Variants in PCDH15 observed in about 807,000 individuals in gnomAD.
PCDH15 encodes the protein protocadherin-15.
A neutral mutation model predicts 178.5 loss-of-function variants in PCDH15; 129 were observed. The observed-to-expected ratio is 0.72, with a 90% confidence interval of 0.63 to 0.84. The LOEUF (loss-of-function observed/expected upper bound fraction) is 0.84. PCDH15 is among the 40% of genes least tolerant of loss of function. PCDH15 has a pLI of 0.00. For synonymous variants in PCDH15, 800 were observed against 732.0 expected, an observed-to-expected ratio of 1.09 and a Z score of -1.50; for missense variants, 2,230 against 2,099.9, an observed-to-expected ratio of 1.06 and a Z score of -1.21.
At position 55,040,804 on chromosome 10, in the gene PCDH15, T is replaced by C. The variant is rs148152175; in HGVS notation, c.-80+125772A>G. Reference sequence around the variant, plus strand: ...CATGTTCTATAACACTAAAGTAAATTAATTTCTCTATCTAGTTCTATTTTA... The same window carrying C: ...CATGTTCTATAACACTAAAGTAAATCAATTTCTCTATCTAGTTCTATTTTA... On this transcript the variant is annotated intron_variant, in intron 2 of 5. Transcript: ENST00000458638. 5.4e-3 allele frequency among the ~76,000 whole-genome samples: 829 copies of C among 152,192 alleles called. 11 individuals carry two copies. The highest frequency in any genetic ancestry group is 0.019 in the African/African-American group (807 of 41,540).
Position 54,081,070 on chromosome 10 carries a change from A to C in PCDH15, c.1998-1646T>G, listed in dbSNP as rs550905967. 1.1e-4 allele frequency among the ~76,000 whole-genome samples: 17 copies of C among 152,242 alleles called. No homozygotes were observed. In the East Asian group the frequency reaches 3.1e-3, roughly 28 times the overall value. On this transcript the variant is annotated intron_variant, in intron 16 of 37. Coordinates refer to ENST00000644397, the MANE Select transcript of PCDH15 (RefSeq NM_001384140.1). ...AAATTAGAAAATTACTAAAAAGTAT[A>C]TTGTATATTTACGATGAATTACAAA...
rs186662379 is a variant in PCDH15 at position 54,600,231 on chromosome 10, G to A, written c.91+63941C>T. 217 of 583,582 alleles carry A rather than the reference G, an allele frequency of 3.7e-4. No individual in the cohort carries two copies. The African/African-American group carries it at 3.9e-3, about 10-fold the overall frequency. The allele number at this position is 583,582 out of a possible 1,614,324, so 36.2% of individuals were successfully genotyped here. On this transcript the variant is annotated intron_variant, in intron 2 of 37. Coordinates refer to ENST00000644397, the MANE Select transcript of PCDH15 (RefSeq NM_001384140.1). Reference sequence around the variant, plus strand: ...ACTTGGAGAAAGAGACCAAAGAAGAGGGAAGCCACAGCAACAGGAGAAAGA... The same window carrying A: ...ACTTGGAGAAAGAGACCAAAGAAGAAGGAAGCCACAGCAACAGGAGAAAGA...
intron 2 of PCDH15, among the ~76,000 whole-genome samples, chr10:55,089,324 A>G (rs1330284174): frequency 6.6e-6 from 1 of 152,152 alleles, no homozygotes; most frequent in East Asian, 1.9e-4. Flanking sequence ...CCTTGTTATC[A>G]TCTTGCAATA....
At chr10:55,395,206 A>T (rs200070498) in intron 2 of PCDH15, among the ~76,000 whole-genome samples, 16,244 of 98,018 alleles carry the variant, frequency 0.17, 779 homozygotes, top group South Asian at 0.18. Flanking sequence ...TGAGAGAGAG[A>T]GAGAGAGAGA....
At chr10:54,776,616 AAGAT>A (rs1481950213) in intron 1 of PCDH15, among the ~76,000 whole-genome samples, 3 of 152,192 alleles carry the variant, frequency 2.0e-5, no homozygotes, top group Non-Finnish European at 2.9e-5. Context: ...TTCATGATAT[AAGAT>A]ACCATGGAAA....
At chr10:55,368,866 TAAG>T (rs1282154765) in intron 2 of PCDH15, among the ~76,000 whole-genome samples, 1 of 151,972 alleles carries the variant, frequency 6.6e-6, no homozygotes, top group Non-Finnish European at 1.5e-5. Context: ...ACAGGTTGCG[TAAG>T]AAGAATATGT....
At position 54,895,583 on chromosome 10, in the gene PCDH15, C is replaced by A. The variant is rs182743270; in HGVS notation, c.-29+1867G>T. 7.9e-5 allele frequency among the ~76,000 whole-genome samples: 12 copies of A among 152,258 alleles called. No individual in the cohort carries two copies. In the East Asian group the frequency reaches 2.1e-3, roughly 27 times the overall value. ...TCATTTGTCAGAGGCCAGAAAGATT[C>A]TTTTAGTAATTTAACTATATGATGC... On this transcript the variant is annotated intron_variant, in intron 3 of 5. Transcript: ENST00000458638.
chr10:55,502,113 G>A (rs1294150841), intron 2 of PCDH15, among the ~76,000 whole-genome samples: 1 of 151,576 alleles, frequency 6.6e-6, no homozygotes, highest in Non-Finnish European at 1.5e-5. Flanking sequence ...ATTTTAAGCA[G>A]TGACTACCTT....
At chr10:54,965,720 A>G (rs1042564481) in intron 2 of PCDH15, among the ~76,000 whole-genome samples, 1 of 150,598 alleles carries the variant, frequency 6.6e-6, no homozygotes, top group African/African-American at 2.4e-5. Flanking sequence ...ATTTAATTTG[A>G]AACATTTCCT....
intron 2 of PCDH15, among the ~76,000 whole-genome samples, chr10:55,494,692 T>C (rs1840493286): frequency 6.6e-6 from 1 of 151,772 alleles, no homozygotes; most frequent in Non-Finnish European, 1.5e-5. Context: ...CCACTGAAAT[T>C]AAAATCTTTA....
At chr10:54,136,147 AT>A (rs774044220) in intron 14 of PCDH15, among the ~76,000 whole-genome samples, 1 of 152,130 alleles carries the variant, frequency 6.6e-6, no homozygotes, top group Non-Finnish European at 1.5e-5. Context: ...AGCATGGGGT[AT>A]GTTGGTGTTA....
intron 37 of PCDH15, chr10:53,808,735 T>C (rs543824760): frequency 3.7e-6 from 6 of 1,613,038 alleles, no homozygotes; most frequent in Non-Finnish European, 5.1e-6. Context: ...TCCTGGCGAC[T>C]TCTTTTGGTT....
chr10:53,932,524 T>C (rs543877153), intron 25 of PCDH15, among the ~76,000 whole-genome samples: 37 of 152,310 alleles, frequency 2.4e-4, no homozygotes, highest in South Asian at 1.9e-3. Context: ...TTTACTGTAG[T>C]TGCCAATGTT....
At chr10:54,519,352 A>C (rs2082588117) in intron 3 of PCDH15, among the ~76,000 whole-genome samples, 1 of 152,180 alleles carries the variant, frequency 6.6e-6, no homozygotes, top group African/African-American at 2.4e-5. Context: ...CTGATAAGCA[A>C]CTTCAGCAAA....
At chr10:54,789,268 C>T (rs1018146366) in intron 1 of PCDH15, among the ~76,000 whole-genome samples, 2 of 151,858 alleles carry the variant, frequency 1.3e-5, no homozygotes, top group African/African-American at 4.8e-5. Context: ...AATCTTGTTT[C>T]TATTTTGTCC....
rs914884725 is a variant in PCDH15 at position 53,930,235 on chromosome 10, G to T, written c.3373+8580C>A. 1.3e-5 allele frequency among the ~76,000 whole-genome samples: 2 copies of T among 151,890 alleles called. 1 individual carries two copies. The stretch of plus-strand genomic sequence containing the variant: ...GCACTTTGGGAGGCCGAGGCGGGCA[G>T]ATCACGAGGTCAGGAGATCGAGATC... On this transcript the variant is annotated intron_variant, in intron 25 of 37. Transcript: ENST00000644397.
intron 2 of PCDH15, among the ~76,000 whole-genome samples, chr10:54,653,355 A>G (rs2094305323): frequency 6.6e-6 from 1 of 152,196 alleles, no homozygotes; most frequent in Middle Eastern, 3.2e-3. Context: ...AAATTTAAGC[A>G]AAGAGATATT....
chr10:55,244,084 T>G (rs1394465782), intron 1 of PCDH15, among the ~76,000 whole-genome samples: 1 of 152,106 alleles, frequency 6.6e-6, no homozygotes, highest in African/African-American at 2.4e-5. Context: ...TCTGATAATT[T>G]GTCTTTAGTT....
At chr10:53,940,603 A>G (rs762074912) in intron 24 of PCDH15, among the ~76,000 whole-genome samples, 12 of 152,110 alleles carry the variant, frequency 7.9e-5, no homozygotes, top group Admixed American at 2.6e-4. Context: ...AATATTACCA[A>G]ATGAGGAAAA....
Sources: gnomAD v4.1 joint callset for allele counts (sites outside exome capture counted in the v4.1 genomes callset) on GRCh38, gnomAD v4.1.1 for gene constraint, MANE v1.5 for transcripts, NCBI Gene and HGNC (gene_info 2026-07-23, HGNC 2026-07-21) for gene names.